Variants in UTP14A observed in about 807,000 individuals in gnomAD.
UTP14A encodes UTP14A small subunit processome component, also known as U3 small nucleolar RNA-associated protein 14 homolog A.
UTP14A carries 5 observed loss-of-function variants against 57.2 expected under a neutral mutation model. The ratio of observed to expected loss-of-function variants is 0.09; its 90% CI spans 0.05 to 0.18. The LOEUF (loss-of-function observed/expected upper bound fraction) is 0.18, where lower values mean the gene tolerates loss of function less well. Among genes scored for constraint, UTP14A ranks in the 10% least tolerant of loss-of-function variants. UTP14A has a pLI of 1.00. For missense variants in UTP14A, 430 were observed against 562.1 expected, an observed-to-expected ratio of 0.76 and a Z score of 2.38; for synonymous variants, 169 against 210.9, an observed-to-expected ratio of 0.80 and a Z score of 1.72.
At chrX:129,929,101 AGAT>A (rs1227701339) in intron 14 of UTP14A, among the ~76,000 whole-genome samples, 18 of 111,799 alleles carry the variant, frequency 1.6e-4, no homozygotes, top group Admixed American at 8.5e-4. Context: ...ATTGTTGAAT[AGAT>A]GGGGGATCCA....
chrX:129,929,206 G>A, intron 14 of UTP14A, 130 bp from the exon 15 acceptor site: 1 of 840,331 alleles, frequency 1.2e-6, no homozygotes, highest in East Asian at 3.2e-5. Flanking sequence ...TGACCTCTCA[G>A]TCTCTTCACT....
At chrX:129,909,170 C>T (rs1929364683) in intron 4 of UTP14A, among the ~76,000 whole-genome samples, 1 of 101,520 alleles carries the variant, frequency 9.9e-6, no homozygotes, top group South Asian at 4.4e-4. Flanking sequence ...TCAACCTTTG[C>T]TTTTTTATTG....
At chrX:129,917,151 T>C (rs140831414) in intron 6 of UTP14A, among the ~76,000 whole-genome samples, 1 of 112,000 alleles carries the variant, frequency 8.9e-6, no homozygotes, top group East Asian at 2.8e-4. Flanking sequence ...GCCTGGAATA[T>C]AGCTACAATC....
intron 6 of UTP14A, among the ~76,000 whole-genome samples, chrX:129,915,037 C>A (rs1445307147): frequency 9.0e-6 from 1 of 110,812 alleles, no homozygotes; most frequent in Non-Finnish European, 1.9e-5. Context: ...CGTGGCAAAA[C>A]ATCGTCTCTA....
At chrX:129,909,470 A>G (rs1929384718) in intron 4 of UTP14A, among the ~76,000 whole-genome samples, 1 of 110,950 alleles carries the variant, frequency 9.0e-6, no homozygotes, top group Non-Finnish European at 1.9e-5. Context: ...CAGCCTCTCA[A>G]AGTGCTGGGA....
intron 6 of UTP14A, among the ~76,000 whole-genome samples, chrX:129,917,802 G>A (rs924427100): frequency 9.0e-6 from 1 of 110,634 alleles, no homozygotes; most frequent in East Asian, 2.9e-4. Context: ...GAAGTGCTGG[G>A]ATTACAGGCC....
At chrX:129,928,384 CAAAAAAAAAAA>C (rs1183151025) in intron 14 of UTP14A, among the ~76,000 whole-genome samples, 11 of 8,758 alleles carry the variant, frequency 1.3e-3, no homozygotes, top group South Asian at 8.3e-3. Flanking sequence ...GACTCCATCT[CAAAAAAAAAAA>C]AAAAAAAAAA....
chrX:129,919,552 A>T lies in UTP14A; in HGVS notation c.752+63A>T. ...GAAGAAAGTCATGTGGTTCATCATG[A>T]ATTCTTTGGAGAGAACCTTTGATGC... On this transcript the variant is annotated intron_variant, in intron 8 of 14. Transcript: ENST00000394422. 3 of 1,124,475 alleles carry T rather than the reference A, an allele frequency of 2.7e-6. No individual in the cohort carries two copies. In the African/African-American group the frequency reaches 5.4e-5, roughly 20 times the overall value. 92.7% of individuals were successfully genotyped at this position (1,124,475 alleles called of 1,213,427 possible).
At chrX:129,920,231 G>C (rs774557442) in intron 8 of UTP14A, among the ~76,000 whole-genome samples, 1 of 110,652 alleles carries the variant, frequency 9.0e-6, no homozygotes, top group South Asian at 3.8e-4. Context: ...TTGAGTTATA[G>C]AGGCAAAGGA....
At chrX:129,924,733 C>T in intron 11 of UTP14A, 62 bp from the exon 12 acceptor site, 1 of 1,152,422 alleles carries the variant, frequency 8.7e-7, no homozygotes, top group Non-Finnish European at 1.2e-6. Context: ...TCAACAAATG[C>T]TTACCGACCA....
chrX:129,916,662 A>G (rs1167948544), intron 6 of UTP14A, among the ~76,000 whole-genome samples: 1 of 111,839 alleles, frequency 8.9e-6, no homozygotes, highest in Non-Finnish European at 1.9e-5. Flanking sequence ...TCCTCTACAC[A>G]ATCAGCAGGA....
rs1472134886 is a variant in UTP14A at position 129,925,329 on chromosome X, C to T, written c.1749+134C>T. On this transcript the variant is annotated intron_variant, in intron 12 of 14. Coordinates refer to ENST00000394422, the MANE Select transcript of UTP14A (RefSeq NM_006649.4). ...GAATAGTATAGGGCCAGGCTAGTCC[C>T]AGTGACGTTTTAATAGATGCAGATA... 3.4e-6 allele frequency: 3 copies of T among 881,019 alleles called. No individual in the cohort carries two copies. In the African/African-American group the frequency reaches 6.1e-5, roughly 18 times the overall value. The allele number at this position is 881,019 out of a possible 1,213,427, so 72.6% of individuals were successfully genotyped here.
chrX:129,915,108 A>G (rs1929629461), intron 6 of UTP14A, among the ~76,000 whole-genome samples: 1 of 112,064 alleles, frequency 8.9e-6, no homozygotes, highest in Non-Finnish European at 1.9e-5. Flanking sequence ...CCAGCTACTC[A>G]AGAGGCTGAG....
chrX:129,918,860 G>A (rs1479992120), intron 6 of UTP14A, among the ~76,000 whole-genome samples: 1 of 108,855 alleles, frequency 9.2e-6, no homozygotes. Context: ...CTGGGCGACA[G>A]AGCAAGACTC....
chrX:129,908,168 A>G, intron 3 of UTP14A, 38 bp downstream of exon 3: 1 of 1,084,518 alleles, frequency 9.2e-7, no homozygotes, highest in Non-Finnish European at 1.3e-6. Flanking sequence ...TATATAGTCA[A>G]TTCCGTGAGA....
chrX:129,919,169 T>C lies in UTP14A; in HGVS notation c.538-6T>C. ...AAGACTCAGAATGTTTTGTTGCTTC[T>C]TTAAGGCAAGAACTCCCCTGGAGCA... is the stretch of plus-strand genomic sequence containing the variant. On this transcript the variant is annotated splice_polypyrimidine_tract_variant and splice_region_variant and intron_variant, in intron 6 of 14. Coordinates refer to ENST00000394422, the MANE Select transcript of UTP14A (RefSeq NM_006649.4). The C allele has an allele frequency of 8.3e-7, 1 of 1,211,792 alleles. No homozygotes were observed. Among genetic ancestry groups the C allele is most frequent in the Non-Finnish European group, 1.1e-6 (1 of 895,539 alleles).
intron 4 of UTP14A, among the ~76,000 whole-genome samples, chrX:129,909,686 C>T (rs1186572161): frequency 2.7e-5 from 3 of 111,352 alleles, no homozygotes; most frequent in East Asian, 5.6e-4. Context: ...CCTGGGGTGG[C>T]GGGGTGGTAA....
chrX:129,909,371 G>C (rs1929377666), intron 4 of UTP14A, among the ~76,000 whole-genome samples: 1 of 110,599 alleles, frequency 9.0e-6, no homozygotes, highest in Admixed American at 9.7e-5. Flanking sequence ...CACCGCGCCT[G>C]GCTAGTTTTT....
Position 129,906,224 on chromosome X carries a change from G to C in UTP14A, c.14G>C (p.Arg5Pro), listed in dbSNP as rs980286357. The change falls in exon 1 of 15, where the codon CGG becomes CCG. Residue 5 changes from arginine (R) to proline (P), a missense_variant. This residue lies in a region of UTP14A where 145 missense variants were observed against 153.5 expected (regional missense o/e 0.94). Transcript: ENST00000394422. ...CTGGCTGCTGAAATGACTGCGAACCGGCTTGCAGAGAGGTGAAGGGCAACG... is the reference window on the plus strand; with the variant it reads ...CTGGCTGCTGAAATGACTGCGAACCCGCTTGCAGAGAGGTGAAGGGCAACG... Reference protein sequence around the residue: MTANRLAESLLALSQ... With the variant: MTANPLAESLLALSQ... 8.3e-7 allele frequency: 1 copy of C among 1,207,552 alleles called. No homozygotes were observed. Among genetic ancestry groups the C allele is most frequent in the African/African-American group, 1.8e-5 (1 of 56,753 alleles).
Sources: gnomAD v4.1 joint callset for allele counts (sites outside exome capture counted in the v4.1 genomes callset) on GRCh38, gnomAD v4.1.1 for gene constraint, gnomAD v4.1.1 regional missense constraint, MANE v1.5 for transcripts, NCBI Gene and HGNC (gene_info 2026-07-23, HGNC 2026-07-21) for gene names.